The following NAALADL2 variants were observed in gnomAD, a reference collection of about 807,000 sequenced individuals.
NAALADL2 encodes N-acetylated alpha-linked acidic dipeptidase like 2, also known as inactive N-acetylated-alpha-linked acidic dipeptidase-like protein 2.
A neutral mutation model predicts 87.2 loss-of-function variants in NAALADL2; 76 were observed. The ratio of observed to expected loss-of-function variants is 0.87; its 90% CI spans 0.72 to 1.05. The LOEUF (loss-of-function observed/expected upper bound fraction) is 1.05. Among genes scored for constraint, NAALADL2 ranks in the 50% least tolerant of loss-of-function variants. The pLI is 0.00. For missense variants in NAALADL2, 1,089 were observed against 945.8 expected (o/e 1.15, Z -1.99); for synonymous variants, 354 against 331.0 (o/e 1.07, Z -0.75).
chr3:175,307,009 A>G (rs367656929), intron 4 of NAALADL2, among the ~76,000 whole-genome samples: 1 of 152,174 alleles, frequency 6.6e-6, no homozygotes, highest in African/African-American at 2.4e-5. Context: ...AGAATTGGAA[A>G]TGCAAAGACA....
At chr3:175,151,331 C>T (rs1033678504) in intron 2 of NAALADL2, among the ~76,000 whole-genome samples, 3 of 152,172 alleles carry the variant, frequency 2.0e-5, no homozygotes, top group Non-Finnish European at 4.4e-5. Context: ...GCTGAATAGA[C>T]GGCCTACCTT....
chr3:174,706,985 G>A (rs550308147), intron 2 of NAALADL2, among the ~76,000 whole-genome samples: 69 of 152,022 alleles, frequency 4.5e-4, no homozygotes, highest in African/African-American at 6.5e-4. Context: ...GTGGGTGAAC[G>A]ATATGAACAG....
chr3:174,798,739 A>G (rs1213178822), intron 3 of NAALADL2, among the ~76,000 whole-genome samples: 1 of 152,180 alleles, frequency 6.6e-6, no homozygotes, highest in Non-Finnish European at 1.5e-5. Context: ...GATATTAGAA[A>G]TATAATCAAT....
At chr3:175,665,690 T>C (rs943923309) in intron 11 of NAALADL2, among the ~76,000 whole-genome samples, 1 of 152,154 alleles carries the variant, frequency 6.6e-6, no homozygotes, top group Non-Finnish European at 1.5e-5. Context: ...CCCAGCACTT[T>C]GAGGGGCCGA....
chr3:175,702,414 C>G (rs1371595835), intron 11 of NAALADL2, among the ~76,000 whole-genome samples: 2 of 151,922 alleles, frequency 1.3e-5, no homozygotes, highest in Non-Finnish European at 2.9e-5. Flanking sequence ...GTCATTTAAT[C>G]AAAACATCTT....
chr3:174,687,602 G>A (rs4414863), intron 2 of NAALADL2, among the ~76,000 whole-genome samples: 123,420 of 152,044 alleles, frequency 0.81, 50,378 homozygotes, highest in East Asian at 0.92. Context: ...AAAATAAATC[G>A]ACAAGTGCAA....
rs999523015 is a variant in NAALADL2, at chr3:175,467,209, C to A, written c.1533+25C>A. 1.9e-6 allele frequency: 3 copies of A among 1,569,806 alleles called. No individual in the cohort carries two copies. In the African/African-American group the frequency reaches 4.1e-5, roughly 21 times the overall value. On this transcript the variant is annotated intron_variant, in intron 8 of 13. Transcript: ENST00000454872. Reference sequence around the variant, plus strand: ...GGTAAAGCAAAATATACATTAATTACAGTGCTTTTCTTTTCTTAGTTTGCT... The same window carrying A: ...GGTAAAGCAAAATATACATTAATTAAAGTGCTTTTCTTTTCTTAGTTTGCT...
intron 9 of NAALADL2, among the ~76,000 whole-genome samples, chr3:175,474,820 G>A (rs1027135441): frequency 2.0e-5 from 3 of 151,966 alleles, no homozygotes; most frequent in Non-Finnish European, 4.4e-5. Context: ...TCTTATGAAG[G>A]TTTTTTCTTG....
At chr3:175,730,284 T>A (rs1207889181) in intron 11 of NAALADL2, among the ~76,000 whole-genome samples, 4 of 150,800 alleles carry the variant, frequency 2.7e-5, no homozygotes, top group Admixed American at 1.3e-4. Flanking sequence ...AGATTTGTGA[T>A]GAAGTCAAAG....
At chr3:175,341,046 T>C (rs1762518730) in intron 5 of NAALADL2, among the ~76,000 whole-genome samples, 2 of 152,090 alleles carry the variant, frequency 1.3e-5, no homozygotes, top group Non-Finnish European at 2.9e-5. Context: ...AAATTCACCA[T>C]TTTAAATACT....
At chr3:175,533,285 G>A (rs1734347477) in intron 9 of NAALADL2, among the ~76,000 whole-genome samples, 1 of 152,184 alleles carries the variant, frequency 6.6e-6, no homozygotes, top group South Asian at 2.1e-4. Context: ...TTCAAGTGTA[G>A]CACATCTCCT....
At chr3:174,787,509 A>C (rs1297249654) in intron 3 of NAALADL2, among the ~76,000 whole-genome samples, 1 of 144,618 alleles carries the variant, frequency 6.9e-6, no homozygotes, top group Non-Finnish European at 1.5e-5. Context: ...CTTGACCTCA[A>C]GATTTGTTAA....
intron 2 of NAALADL2, among the ~76,000 whole-genome samples, chr3:174,661,192 A>C (rs1656858124): frequency 6.6e-6 from 1 of 152,168 alleles, no homozygotes; most frequent in South Asian, 2.1e-4. Flanking sequence ...TTTGACTGAA[A>C]GTCTTTAATG....
At chr3:174,771,094 G>A (rs1410137495) in intron 3 of NAALADL2, among the ~76,000 whole-genome samples, 1 of 152,064 alleles carries the variant, frequency 6.6e-6, no homozygotes, top group African/African-American at 2.4e-5. Flanking sequence ...AAATATCTGG[G>A]TGTCTATTTC....
rs376454649 is a variant in NAALADL2 at position 174,702,639 on chromosome 3, C to T, written c.-114-35002C>T. Among the ~76,000 whole-genome samples, 624 of 152,316 alleles carry T rather than the reference C, an allele frequency of 4.1e-3. 4 individuals carry two copies. Among genetic ancestry groups the T allele is most frequent in the African/African-American group, 0.014 (595 of 41,566 alleles). On this transcript the variant is annotated intron_variant, in intron 2 of 3. Transcript: ENST00000434257. ...AGCTAGGCTATGATATAGGCTCTTGCTCTAGGCTGTCAGCCTGCAAGCATG... is the reference window on the plus strand; with the variant it reads ...AGCTAGGCTATGATATAGGCTCTTGTTCTAGGCTGTCAGCCTGCAAGCATG...
At position 175,610,881 on chromosome 3, in the gene NAALADL2, ATAT is replaced by A. The variant is rs538633854; in HGVS notation, c.1801-16407_1801-16405del. 1.8e-3 allele frequency among the ~76,000 whole-genome samples: 270 copies of A among 152,208 alleles called. 4 individuals are homozygous for A. Among genetic ancestry groups the A allele is most frequent in the African/African-American group, 6.0e-3 (251 of 41,570 alleles). On this transcript the variant is annotated intron_variant, in intron 10 of 13. Coordinates refer to ENST00000454872, the MANE Select transcript of NAALADL2 (RefSeq NM_207015.3). Reference sequence around the variant, plus strand: ...CATTGTTCTCGTTTAATAATATTGAATATTAATATATAACTGTTAGTATAGATA... The same window carrying A: ...CATTGTTCTCGTTTAATAATATTGAATAATATATAACTGTTAGTATAGATA...
At chr3:174,534,439 T>C (rs1034999361) in intron 1 of NAALADL2, among the ~76,000 whole-genome samples, 9 of 152,246 alleles carry the variant, frequency 5.9e-5, no homozygotes, top group African/African-American at 2.2e-4. Context: ...TTTGAGCAGC[T>C]GAATGACATT....
At chr3:175,580,215 T>C (rs1239288007) in intron 10 of NAALADL2, among the ~76,000 whole-genome samples, 1 of 151,978 alleles carries the variant, frequency 6.6e-6, no homozygotes, top group Non-Finnish European at 1.5e-5. Flanking sequence ...TTTAAAGCAA[T>C]ATACAGCAGT....
At chr3:174,669,628 G>A (rs1268513310) in intron 2 of NAALADL2, among the ~76,000 whole-genome samples, 1 of 152,012 alleles carries the variant, frequency 6.6e-6, no homozygotes, top group Non-Finnish European at 1.5e-5. Flanking sequence ...GTACCACATT[G>A]TTTTGAGGAC....
Sources: gnomAD v4.1 joint callset for allele counts (sites outside exome capture counted in the v4.1 genomes callset) on GRCh38, gnomAD v4.1.1 for gene constraint, MANE v1.5 for transcripts, NCBI Gene and HGNC (gene_info 2026-07-23, HGNC 2026-07-21) for gene names.